MGST2: variants seen among roughly 807,000 people sequenced by gnomAD.
MGST2 encodes glutathione peroxidase MGST2.
Under a neutral mutation model 16.6 loss-of-function variants are expected in MGST2, and 9 were observed. The observed-to-expected ratio is 0.54, with a 90% CI of 0.33 to 0.95. The LOEUF (loss-of-function observed/expected upper bound fraction) is 0.95. Among genes scored for constraint, MGST2 ranks in the 40% least tolerant of loss-of-function variants. MGST2 has a pLI of 0.03. For missense variants in MGST2, 159 were observed against 175.1 expected, an observed-to-expected ratio of 0.91 and a Z score of 0.52; for synonymous variants, 79 against 68.0, an observed-to-expected ratio of 1.16 and a Z score of -0.79.
intron 1 of MGST2, among the ~76,000 whole-genome samples, chr4:139,670,615 AC>A (rs967806995): frequency 4.6e-5 from 7 of 152,218 alleles, no homozygotes; most frequent in African/African-American, 1.7e-4. Context: ...AGAAATGCTT[AC>A]ATTAAGAGAA....
intron 2 of MGST2, among the ~76,000 whole-genome samples, chr4:139,682,503 G>A (rs1013452534): frequency 1.3e-5 from 2 of 152,170 alleles, no homozygotes; most frequent in Non-Finnish European, 2.9e-5. Flanking sequence ...GGAGTGGGAG[G>A]AGGTCAACTC....
intron 1 of MGST2, among the ~76,000 whole-genome samples, chr4:139,673,169 T>A (rs1730789482): frequency 6.6e-6 from 1 of 152,060 alleles, no homozygotes; most frequent in Admixed American, 6.6e-5. Flanking sequence ...AAGGAGATAG[T>A]GGGGGAGACA....
chr4:139,728,054 A>G (rs1003795598), intron 5 of MGST2, among the ~76,000 whole-genome samples: 1 of 152,078 alleles, frequency 6.6e-6, no homozygotes, highest in Non-Finnish European at 1.5e-5. Flanking sequence ...CATCTCTACT[A>G]AAATACAAAA....
downstream of MGST2, among the ~76,000 whole-genome samples, chr4:139,709,071 A>AATTTTTTTTTTT (rs755140695): frequency 3.7e-5 from 3 of 81,970 alleles, no homozygotes; most frequent in African/African-American, 9.3e-5. Flanking sequence ...AATGGAAAAA[A>AATTTTTTTTTTT]TTTTTTTTTT....
chr4:139,716,141 T>C (rs1338381803), intron 5 of MGST2, among the ~76,000 whole-genome samples: 1 of 152,114 alleles, frequency 6.6e-6, no homozygotes, highest in Non-Finnish European at 1.5e-5. Flanking sequence ...TATATCTGAG[T>C]TTGTTCAGAC....
At chr4:139,708,736 C>T (rs1727616440), downstream of MGST2, among the ~76,000 whole-genome samples, 1 of 152,074 alleles carries the variant, frequency 6.6e-6, no homozygotes, top group African/African-American at 2.4e-5. Flanking sequence ...GGCGCGGTGG[C>T]TCACGCCTGT....
At chr4:139,720,110 C>G in intron 5 of MGST2, 1 of 1,614,070 alleles carries the variant, frequency 6.2e-7, no homozygotes, top group Non-Finnish European at 8.5e-7. Context: ...TTGGGTCATG[C>G]CTGTGCTCAT....
chr4:139,666,044 G>A lies in MGST2; in HGVS notation c.25G>A (p.Ala9Thr), dbSNP rs1730317797. MAGNSILL[A>T]AVSILSACQQ... ...GATGGCCGGGAACTCGATCCTGCTGGCTGCTGTCTCTATTCTCTCGGCCTG... is the reference window on the plus strand; with the variant it reads ...GATGGCCGGGAACTCGATCCTGCTGACTGCTGTCTCTATTCTCTCGGCCTG... Residue 9 changes from alanine to threonine, a missense_variant, in exon 1 of 5, where the codon GCT (alanine) becomes ACT (threonine). By Grantham distance (58) the Ala-to-Thr change is moderately conservative (BLOSUM62 0). Coordinates refer to ENST00000265498, the MANE Select transcript of MGST2 (RefSeq NM_002413.5). The A allele has an allele frequency of 1.9e-6, 3 of 1,614,062 alleles. No individual in the cohort carries two copies. Among genetic ancestry groups the A allele is most frequent in the Non-Finnish European group, 2.5e-6 (3 of 1,180,024 alleles).
intron 5 of MGST2, among the ~76,000 whole-genome samples, chr4:139,711,390 T>C (rs536409746): frequency 1.3e-5 from 2 of 152,256 alleles, no homozygotes; most frequent in African/African-American, 4.8e-5. Flanking sequence ...AATAAAAGAA[T>C]GGCTACTCCA....
chr4:139,739,829 T>C (rs1579380244), intron 5 of MGST2, among the ~76,000 whole-genome samples: 1 of 151,784 alleles, frequency 6.6e-6, no homozygotes, highest in Admixed American at 6.6e-5. Flanking sequence ...AAATTTTATA[T>C]TATGAATATA....
chr4:139,702,844 GTTT>G (rs70943436), intron 3 of MGST2, among the ~76,000 whole-genome samples: 1,256 of 46,434 alleles, frequency 0.027, 63 homozygotes, highest in Non-Finnish European at 0.045. Context: ...TGTGTTACTG[GTTT>G]TTTTTTTTTT....
intron 5 of MGST2, among the ~76,000 whole-genome samples, chr4:139,734,882 A>C (rs1728871756): frequency 6.6e-6 from 1 of 152,238 alleles, no homozygotes; most frequent in African/African-American, 2.4e-5. Context: ...GACCCCGTGG[A>C]TAACGGGCTT....
chr4:139,707,555 C>T (rs1457558798), downstream of MGST2, among the ~76,000 whole-genome samples: 15 of 152,074 alleles, frequency 9.9e-5, no homozygotes, highest in African/African-American at 3.4e-4. Flanking sequence ...ATTTATAATC[C>T]TTTGGGTATA....
At chr4:139,670,499 T>C (rs1007106355) in intron 1 of MGST2, among the ~76,000 whole-genome samples, 9 of 152,198 alleles carry the variant, frequency 5.9e-5, no homozygotes, top group African/African-American at 1.7e-4. Flanking sequence ...AAAGGTGGGA[T>C]ATCTTAAAGC....
At chr4:139,673,043 A>G (rs1476804994) in intron 1 of MGST2, among the ~76,000 whole-genome samples, 1 of 152,126 alleles carries the variant, frequency 6.6e-6, no homozygotes, top group African/African-American at 2.4e-5. Context: ...TGCCTCTAAT[A>G]CTCTTAACAC....
intron 2 of MGST2, among the ~76,000 whole-genome samples, chr4:139,687,120 G>A (rs1430321035): frequency 6.6e-6 from 1 of 152,164 alleles, no homozygotes. Flanking sequence ...CCTTGTTAGA[G>A]ATGTTTTGCT....
At chr4:139,729,566 C>G (rs1466963046) in intron 5 of MGST2, among the ~76,000 whole-genome samples, 1 of 152,192 alleles carries the variant, frequency 6.6e-6, no homozygotes, top group Non-Finnish European at 1.5e-5. Flanking sequence ...AACCTCACAC[C>G]TCCTATAAGA....
intron 5 of MGST2, among the ~76,000 whole-genome samples, chr4:139,728,810 CG>C (rs1392552650): frequency 1.3e-5 from 2 of 152,196 alleles, no homozygotes; most frequent in African/African-American, 2.4e-5. Context: ...TCCCCAGGGT[CG>C]GGCTGGCCTC....
chr4:139,678,507 C>T, intron 1 of MGST2, 36 bp from the exon 2 acceptor site: 1 of 1,489,408 alleles, frequency 6.7e-7, no homozygotes, highest in African/African-American at 1.4e-5. Context: ...TAATGACGTG[C>T]CCCATCTTTA....
Sources: allele counts gnomAD v4.1 joint callset (sites outside exome capture counted in the v4.1 genomes callset), GRCh38; gene constraint gnomAD v4.1.1; transcripts MANE v1.5; gene names NCBI Gene and HGNC (gene_info 2026-07-23, HGNC 2026-07-21).